CRPPA: variants seen among roughly 807,000 people sequenced by gnomAD.
The protein encoded by CRPPA is CDP-L-ribitol pyrophosphorylase A, also known as D-ribitol-5-phosphate cytidylyltransferase.
A neutral mutation model predicts 52.0 loss-of-function variants in CRPPA; 43 were observed. That is an observed-to-expected ratio of 0.83 (90% CI 0.65 to 1.07). CRPPA has a LOEUF of 1.07. Ranked by LOEUF, CRPPA falls within the 50% of genes least tolerant of loss-of-function variation. The pLI is 0.00. For synonymous variants in CRPPA, 250 were observed against 203.5 expected (o/e 1.23, Z -1.94); for missense variants, 629 against 551.7 (o/e 1.14, Z -1.40).
At chr7:16,345,461 A>G (rs10231565) in intron 3 of CRPPA, among the ~76,000 whole-genome samples, 42,139 of 152,086 alleles carry the variant, frequency 0.28, 6,102 homozygotes, top group South Asian at 0.49. Flanking sequence ...AAATGATCAT[A>G]TAAATGTACT....
intron 9 of CRPPA, among the ~76,000 whole-genome samples, chr7:16,177,207 T>C: frequency 6.6e-6 from 1 of 152,104 alleles, no homozygotes; most frequent in Non-Finnish European, 1.5e-5. Flanking sequence ...GTGGAGGAAC[T>C]GTTTTGTACC....
chr7:16,397,945 T>C (rs1187788820), intron 2 of CRPPA, among the ~76,000 whole-genome samples: 2 of 152,180 alleles, frequency 1.3e-5, no homozygotes, highest in African/African-American at 2.4e-5. Flanking sequence ...GACACGTGAT[T>C]GACACGTTTG....
At chr7:16,208,797 C>T (rs1213946833) in intron 9 of CRPPA, 1 of 162,308 alleles carries the variant, frequency 6.2e-6, no homozygotes, top group African/African-American at 2.4e-5. Flanking sequence ...AGGACTGAAA[C>T]CTTGTTGGAA....
intron 2 of CRPPA, among the ~76,000 whole-genome samples, chr7:16,399,654 C>T (rs989001522): frequency 5.9e-5 from 9 of 151,968 alleles, no homozygotes; most frequent in Admixed American, 4.6e-4. Flanking sequence ...ATGTAATCAA[C>T]GTGTGACACG....
chr7:16,402,619 A>G (rs1787847281), intron 2 of CRPPA, among the ~76,000 whole-genome samples: 1 of 152,184 alleles, frequency 6.6e-6, no homozygotes, highest in African/African-American at 2.4e-5. Flanking sequence ...TTAATCGTAC[A>G]TGATAAGGGA....
intron 9 of CRPPA, among the ~76,000 whole-genome samples, chr7:16,175,449 T>C (rs1191861275): frequency 6.6e-6 from 1 of 152,174 alleles, no homozygotes; most frequent in East Asian, 1.9e-4. Flanking sequence ...TTTAAGTGCA[T>C]GCATTATTCC....
chr7:16,398,465 C>T (rs1335608226), intron 2 of CRPPA, among the ~76,000 whole-genome samples: 2 of 151,362 alleles, frequency 1.3e-5, no homozygotes, highest in Non-Finnish European at 2.9e-5. Context: ...CTCACGTGTG[C>T]GATTGACATG....
chr7:16,230,703 C>A (rs532301660), intron 8 of CRPPA, among the ~76,000 whole-genome samples: 1 of 152,052 alleles, frequency 6.6e-6, no homozygotes, highest in Non-Finnish European at 1.5e-5. Context: ...CTTGATTGTT[C>A]TTGATGCTTT....
At chr7:16,235,767 G>A (rs755297905) in intron 8 of CRPPA, 22 of 151,996 alleles carry the variant, frequency 1.4e-4, no homozygotes, top group Non-Finnish European at 2.9e-4. Context: ...CTTTTCCCTT[G>A]TAACAAAATA....
rs11355036 is a variant in CRPPA at position 16,310,273 on chromosome 7, CT to C, written c.685-1647del. On this transcript the variant is annotated intron_variant, in intron 3 of 9. Transcript: ENST00000407010. ...CCCCCCGAAAACAGTGTCTAACAGC[CT>C]TCTGCCAAGGCAAAAGCCCTAAGGA... Among the ~76,000 whole-genome samples, 792 of 152,174 alleles carry C rather than the reference CT, an allele frequency of 5.2e-3. 7 individuals carry two copies. The highest frequency in any genetic ancestry group is 0.018 in the African/African-American group (729 of 41,490).
At chr7:16,276,621 T>G (rs1240449375) in intron 6 of CRPPA, 1 of 152,234 alleles carries the variant, frequency 6.6e-6, no homozygotes, top group Non-Finnish European at 1.5e-5. Context: ...GGGAATACTG[T>G]GCCCATGAGC....
intron 9 of CRPPA, among the ~76,000 whole-genome samples, chr7:16,210,326 T>C (rs1229560332): frequency 6.6e-6 from 1 of 152,176 alleles, no homozygotes; most frequent in Non-Finnish European, 1.5e-5. Flanking sequence ...TTGATATGGT[T>C]CCCAATGATA....
chr7:16,277,923 GA>G (rs575584527), intron 6 of CRPPA, among the ~76,000 whole-genome samples: 2 of 151,926 alleles, frequency 1.3e-5, no homozygotes, highest in African/African-American at 4.8e-5. Context: ...ATGGACACTG[GA>G]AAAAAATCCA....
At chr7:16,263,778 A>G (rs559355488) in intron 6 of CRPPA, among the ~76,000 whole-genome samples, 211 of 152,252 alleles carry the variant, frequency 1.4e-3, no homozygotes, top group African/African-American at 4.6e-3. Flanking sequence ...AGAATGTACA[A>G]TATAGATATA....
At chr7:16,361,695 A>G (rs1190031355) in intron 3 of CRPPA, among the ~76,000 whole-genome samples, 1 of 152,204 alleles carries the variant, frequency 6.6e-6, no homozygotes, top group Non-Finnish European at 1.5e-5. Flanking sequence ...AGGGAGGGGA[A>G]GAGGAGTTAC....
At chr7:16,109,350 T>C (rs1009581788) in intron 9 of CRPPA, among the ~76,000 whole-genome samples, 3 of 151,646 alleles carry the variant, frequency 2.0e-5, no homozygotes, top group African/African-American at 7.3e-5. Context: ...ACTACCGAAA[T>C]TGAACCATGA....
chr7:16,309,941 G>A (rs942671474), intron 3 of CRPPA, among the ~76,000 whole-genome samples: 2 of 151,916 alleles, frequency 1.3e-5, no homozygotes, highest in Non-Finnish European at 2.9e-5. Flanking sequence ...CAAGTCAATC[G>A]CTAAATAAAA....
chr7:16,130,834 G>A (rs1583377976), intron 9 of CRPPA, among the ~76,000 whole-genome samples: 1 of 152,122 alleles, frequency 6.6e-6, no homozygotes, highest in Non-Finnish European at 1.5e-5. Context: ...TCAGTGAGAT[G>A]GTTTTTGGAG....
intron 9 of CRPPA, among the ~76,000 whole-genome samples, chr7:16,204,064 T>C (rs1781915711): frequency 6.6e-6 from 1 of 152,184 alleles, no homozygotes; most frequent in Non-Finnish European, 1.5e-5. Context: ...CAAACTGTGG[T>C]GAACATGTAT....
Sources: allele counts gnomAD v4.1 joint callset (sites outside exome capture counted in the v4.1 genomes callset), GRCh38; gene constraint gnomAD v4.1.1; transcripts MANE v1.5; gene names NCBI Gene and HGNC (gene_info 2026-07-23, HGNC 2026-07-21).